CDH18: variants seen among roughly 807,000 people sequenced by gnomAD.
CDH18 encodes the protein cadherin-18.
A neutral mutation model predicts 67.9 loss-of-function variants in CDH18; 31 were observed. The observed-to-expected ratio is 0.46, with a 90% CI of 0.34 to 0.62. The LOEUF is 0.62. Among genes scored for constraint, CDH18 ranks in the 20% least tolerant of loss-of-function variants. The pLI is 0.01. For synonymous variants in CDH18, 362 were observed against 347.2 expected (o/e 1.04, Z -0.48); for missense variants, 890 against 975.5 (o/e 0.91, Z 1.17).
At chr5:20,157,701 G>C (rs2126597112) in intron 2 of CDH18, among the ~76,000 whole-genome samples, 1 of 150,858 alleles carries the variant, frequency 6.6e-6, no homozygotes, top group Non-Finnish European at 1.5e-5. Flanking sequence ...GGAGTGCAAT[G>C]GCATGATCTT....
At chr5:20,090,645 G>C (rs968219010) in intron 2 of CDH18, among the ~76,000 whole-genome samples, 1 of 152,098 alleles carries the variant, frequency 6.6e-6, no homozygotes, top group Non-Finnish European at 1.5e-5. Context: ...TTGTTCATAA[G>C]TGATTTCTAA....
chr5:19,857,672 A>C (rs1381449756), intron 2 of CDH18, among the ~76,000 whole-genome samples: 2 of 152,164 alleles, frequency 1.3e-5, no homozygotes, highest in Non-Finnish European at 1.5e-5. Flanking sequence ...TAAGTATATA[A>C]ACTGAATATC....
chr5:19,944,606 T>G, intron 2 of CDH18, among the ~76,000 whole-genome samples: 1 of 152,290 alleles, frequency 6.6e-6, no homozygotes, highest in South Asian at 2.1e-4. Context: ...TTGCACTCAA[T>G]ATCATTGTTG....
chr5:19,971,048 A>C lies in CDH18; in HGVS notation c.-257+10012T>G, dbSNP rs529689681. On this transcript the variant is annotated intron_variant, in intron 2 of 12. Coordinates refer to ENST00000382275, the MANE Select transcript of CDH18 (RefSeq NM_004934.5). ...TTCTTATTTTTAGATTTTATTCTAA[A>C]AGAAATATATTTTTAACATGATGTC... Among the ~76,000 whole-genome samples, 3 of 152,040 alleles carry C rather than the reference A, an allele frequency of 2.0e-5. No individual in the cohort carries two copies. In the East Asian group the frequency reaches 5.8e-4, roughly 29 times the overall value.
At chr5:19,546,473 G>A (rs1580131337) in intron 8 of CDH18, among the ~76,000 whole-genome samples, 2 of 152,276 alleles carry the variant, frequency 1.3e-5, no homozygotes, top group Non-Finnish European at 1.5e-5. Flanking sequence ...GGATTCCGGG[G>A]AACAGATATA....
chr5:20,168,295 G>A (rs567846135), intron 2 of CDH18, among the ~76,000 whole-genome samples: 3 of 152,186 alleles, frequency 2.0e-5, no homozygotes, highest in African/African-American at 7.2e-5. Flanking sequence ...TGCTAGGCTT[G>A]TCAATATTAG....
chr5:19,839,852 C>A (rs554347121), intron 2 of CDH18, among the ~76,000 whole-genome samples: 27 of 152,086 alleles, frequency 1.8e-4, no homozygotes, highest in African/African-American at 6.3e-4. Context: ...AATTACATTA[C>A]TAGGCTTGAT....
chr5:19,662,142 C>CTTT lies in CDH18; in HGVS notation c.644-49544_644-49542dup, dbSNP rs70950081. ...TTTTTTTTACATTTTTTAAAGATGA[C>CTTT]TTTTTTTTTTTTAAACAGCGTATAT... On this transcript the variant is annotated intron_variant, in intron 5 of 12. Coordinates refer to ENST00000382275, the MANE Select transcript of CDH18 (RefSeq NM_004934.5). Among the ~76,000 whole-genome samples, 161 of 147,720 alleles carry CTTT rather than the reference C, an allele frequency of 1.1e-3. 1 individual carries two copies. The highest frequency in any genetic ancestry group is 3.9e-3 in the African/African-American group (156 of 40,180).
intron 11 of CDH18, among the ~76,000 whole-genome samples, chr5:19,492,490 A>G (rs1328277614): frequency 6.6e-6 from 1 of 152,154 alleles, no homozygotes; most frequent in Non-Finnish European, 1.5e-5. Flanking sequence ...AAATTATACA[A>G]TGAAATTATT....
chr5:20,451,902 G>T (rs887511796), intron 1 of CDH18, among the ~76,000 whole-genome samples: 1 of 152,074 alleles, frequency 6.6e-6, no homozygotes, highest in Non-Finnish European at 1.5e-5. Context: ...TATAGCCATG[G>T]CATCTATATG....
intron 1 of CDH18, among the ~76,000 whole-genome samples, chr5:20,380,357 G>A (rs530300389): frequency 3.3e-5 from 5 of 152,170 alleles, no homozygotes; most frequent in Non-Finnish European, 5.9e-5. Flanking sequence ...TACCTCAATG[G>A]ACTGTTTGAC....
At chr5:19,596,182 A>C (rs1395051319) in intron 6 of CDH18, among the ~76,000 whole-genome samples, 1 of 152,208 alleles carries the variant, frequency 6.6e-6, no homozygotes, top group East Asian at 1.9e-4. Flanking sequence ...AATACTAAGA[A>C]GAGGCTTTTG....
At chr5:19,824,723 T>G (rs749361630) in intron 3 of CDH18, among the ~76,000 whole-genome samples, 1 of 152,124 alleles carries the variant, frequency 6.6e-6, no homozygotes, top group Non-Finnish European at 1.5e-5. Flanking sequence ...CCCACTTCTG[T>G]GTGAACTCAG....
chr5:20,512,008 G>A (rs188293535), intron 1 of CDH18, among the ~76,000 whole-genome samples: 1 of 152,168 alleles, frequency 6.6e-6, no homozygotes, highest in Admixed American at 6.6e-5. Context: ...ATCACCTGAG[G>A]TCAGGAGTTC....
At chr5:19,942,213 C>G (rs1229822905) in intron 2 of CDH18, among the ~76,000 whole-genome samples, 1 of 152,078 alleles carries the variant, frequency 6.6e-6, no homozygotes, top group Admixed American at 6.6e-5. Context: ...ATACAGACAC[C>G]CTTTTGGAAG....
intron 2 of CDH18, among the ~76,000 whole-genome samples, chr5:19,859,989 G>GGTGTGTGTGTGT (rs3065070): frequency 0.065 from 9,363 of 143,098 alleles, 310 homozygotes; most frequent in African/African-American, 0.077. Flanking sequence ...GTTTGCTTTG[G>GGTGTGTGTGTGT]GTGTGTGTGT....
intron 1 of CDH18, among the ~76,000 whole-genome samples, chr5:20,488,611 G>A (rs1191823589): frequency 2.0e-5 from 3 of 150,474 alleles, no homozygotes; most frequent in Non-Finnish European, 3.0e-5. Flanking sequence ...TGTAGTGGTC[G>A]TTGCCTTGGT....
Position 20,469,678 on chromosome 5 carries a change from GT to G in CDH18, c.-580+105783del, listed in dbSNP as rs1376336664. On this transcript the variant is annotated intron_variant, in intron 1 of 14. Coordinates refer to the CDH18 transcript ENST00000507958. ...ATCACTAAGCCTGGAAGTAGGCTGAGTTTTTTTGCTCCCTGGTCTTCATTGC... is the reference window on the plus strand; with the variant it reads ...ATCACTAAGCCTGGAAGTAGGCTGAGTTTTTTGCTCCCTGGTCTTCATTGC... Among the ~76,000 whole-genome samples the G allele has an allele frequency of 3.3e-5, 5 of 152,060 alleles. No homozygotes were observed. The East Asian group carries it at 9.7e-4, about 29-fold the overall frequency.
rs188052045 is a variant in CDH18, at chr5:20,441,521, A to G, written c.-580+133941T>C. 7.0e-4 allele frequency among the ~76,000 whole-genome samples: 106 copies of G among 152,022 alleles called. 2 individuals carry two copies. Among genetic ancestry groups the G allele is most frequent in the Admixed American group, 2.8e-3 (43 of 15,280 alleles). ...AAAAAAAAACATTTCATCCCATTTG[A>G]AAGAATACAATACACCTTTCATATA... On this transcript the variant is annotated intron_variant, in intron 1 of 14. Transcript: ENST00000507958.
Sources: gnomAD v4.1 joint callset for allele counts (sites outside exome capture counted in the v4.1 genomes callset) on GRCh38, gnomAD v4.1.1 for gene constraint, MANE v1.5 for transcripts, NCBI Gene and HGNC (gene_info 2026-07-23, HGNC 2026-07-21) for gene names.